The following PPP1R12A variants were observed in gnomAD, a reference collection of about 807,000 sequenced individuals.
PPP1R12A encodes myosin binding subunit.
PPP1R12A carries 19 observed loss-of-function variants against 139.6 expected under a neutral mutation model. The ratio of observed to expected loss-of-function variants is 0.14; its 90% confidence interval spans 0.09 to 0.20. PPP1R12A has a LOEUF of 0.20. Ranked by LOEUF, PPP1R12A falls within the 10% of genes least tolerant of loss-of-function variation. The pLI is 1.00. For synonymous variants in PPP1R12A, 427 were observed against 420.6 expected, an observed-to-expected ratio of 1.02 and a Z score of -0.19; for missense variants, 925 against 1,211.5, an observed-to-expected ratio of 0.76 and a Z score of 3.51.
intron 2 of PPP1R12A, among the ~76,000 whole-genome samples, chr12:79,850,841 CTCTTCTTGCT>C (rs752255765): frequency 1.8e-4 from 27 of 152,110 alleles, no homozygotes; most frequent in Non-Finnish European, 2.9e-4. Context: ...CTCTCTTTCT[CTCTTCTTGCT>C]GGCCATACAA....
At chr12:79,877,169 G>A (rs1234623084) in intron 1 of PPP1R12A, among the ~76,000 whole-genome samples, 2 of 151,718 alleles carry the variant, frequency 1.3e-5, no homozygotes, top group Non-Finnish European at 2.9e-5. Context: ...AGTGTGAGGG[G>A]GTATTTATCA....
chr12:79,876,461 A>G lies in PPP1R12A; in HGVS notation c.238-3523T>C, dbSNP rs937189707. Among the ~76,000 whole-genome samples, 6 of 152,192 alleles carry G rather than the reference A, an allele frequency of 3.9e-5. No homozygotes were observed. The South Asian group carries it at 8.3e-4, about 21-fold the overall frequency. On this transcript the variant is annotated intron_variant, in intron 1 of 24. Transcript: ENST00000450142. ...GATTCAAAGAGATTAAGTAGCTTGA[A>G]TAAGTCACACAGACAGGAAATGATA...
Position 79,779,474 on chromosome 12 carries a change from A to G in PPP1R12A, c.2956-874T>C. The G allele has an allele frequency of 5.4e-6, 4 of 745,060 alleles. No individual in the cohort carries two copies. In the South Asian group the frequency reaches 5.8e-5, roughly 11 times the overall value. 46.2% of individuals were successfully genotyped at this position (745,060 alleles called of 1,614,324 possible). A position where few individuals can be genotyped will look rare whatever the true frequency, so the allele number is the denominator to read the frequency against. On this transcript the variant is annotated intron_variant, in intron 23 of 24. Transcript: ENST00000450142. ...AGCAGTACATTTACTGTAAATGTTAATGTTTTTAGGGTATGTGATTTTAAA... is the reference window on the plus strand; with the variant it reads ...AGCAGTACATTTACTGTAAATGTTAGTGTTTTTAGGGTATGTGATTTTAAA...
chr12:79,810,373 C>T (rs886678075), intron 9 of PPP1R12A, among the ~76,000 whole-genome samples: 3 of 152,120 alleles, frequency 2.0e-5, no homozygotes, highest in Non-Finnish European at 4.4e-5. Flanking sequence ...AATATAAATT[C>T]TTGCACATAG....
intron 1 of PPP1R12A, among the ~76,000 whole-genome samples, chr12:79,883,451 G>A (rs981291129): frequency 2.6e-5 from 4 of 152,026 alleles, no homozygotes; most frequent in Non-Finnish European, 5.9e-5. Context: ...CTGTATTAAG[G>A]AAGCTTAGGA....
intron 14 of PPP1R12A, among the ~76,000 whole-genome samples, chr12:79,803,166 A>C (rs1873400989): frequency 6.6e-6 from 1 of 152,250 alleles, no homozygotes; most frequent in Non-Finnish European, 1.5e-5. Flanking sequence ...AATTAGCATA[A>C]AAATATAGCT....
chr12:79,905,829 C>T (rs1210845551), intron 1 of PPP1R12A, among the ~76,000 whole-genome samples: 1 of 152,258 alleles, frequency 6.6e-6, no homozygotes, highest in African/African-American at 2.4e-5. Context: ...ATGTGGAAAA[C>T]TGTCCATAGC....
intron 1 of PPP1R12A, among the ~76,000 whole-genome samples, chr12:79,875,730 G>C (rs879737815): frequency 6.6e-6 from 1 of 152,160 alleles, no homozygotes; most frequent in African/African-American, 2.4e-5. Context: ...AAGGATATTT[G>C]AAGTAGCTGT....
At chr12:79,912,764 G>A (rs1042641307) in intron 1 of PPP1R12A, among the ~76,000 whole-genome samples, 12 of 150,302 alleles carry the variant, frequency 8.0e-5, no homozygotes, top group Admixed American at 2.0e-4. Flanking sequence ...ATCATAATAA[G>A]AGAATCCCTA....
chr12:79,838,520 G>A (rs1256368319), intron 3 of PPP1R12A, among the ~76,000 whole-genome samples: 14 of 152,250 alleles, frequency 9.2e-5, no homozygotes, highest in Non-Finnish European at 1.9e-4. Flanking sequence ...TCCCATCACA[G>A]GCCTGGAGGC....
intron 22 of PPP1R12A, among the ~76,000 whole-genome samples, chr12:79,784,537 A>T (rs1260099644): frequency 6.6e-6 from 1 of 152,234 alleles, no homozygotes. Flanking sequence ...ATGACAATGA[A>T]GTAGGCAGCA....
At chr12:79,867,913 G>C (rs917099502) in intron 2 of PPP1R12A, among the ~76,000 whole-genome samples, 1 of 152,078 alleles carries the variant, frequency 6.6e-6, no homozygotes, top group African/African-American at 2.4e-5. Flanking sequence ...ATGATTGTAA[G>C]TTTCCTGAGG....
intron 1 of PPP1R12A, among the ~76,000 whole-genome samples, chr12:79,882,799 T>G (rs1883759688): frequency 6.6e-6 from 1 of 152,162 alleles, no homozygotes; most frequent in African/African-American, 2.4e-5. Context: ...CACTCCAACC[T>G]TCAGCAACCA....
intron 1 of PPP1R12A, among the ~76,000 whole-genome samples, chr12:79,925,695 A>G (rs1887787443): frequency 6.6e-6 from 1 of 152,214 alleles, no homozygotes; most frequent in Non-Finnish European, 1.5e-5. Context: ...ATTTGAGTTG[A>G]GCAGCAAGCA....
At chr12:79,789,037 A>C (rs1369064531) in intron 20 of PPP1R12A, among the ~76,000 whole-genome samples, 1 of 152,094 alleles carries the variant, frequency 6.6e-6, no homozygotes, top group Non-Finnish European at 1.5e-5. Flanking sequence ...CTCGGGCTCA[A>C]GTGATTCTTC....
chr12:79,828,599 T>A, intron 4 of PPP1R12A, 135 bp from the exon 5 acceptor site: 1 of 701,560 alleles, frequency 1.4e-6, no homozygotes. Flanking sequence ...TCCCCCTCAA[T>A]GAATTAACTA....
chr12:79,784,606 A>G (rs570724800), intron 22 of PPP1R12A, among the ~76,000 whole-genome samples: 53 of 152,164 alleles, frequency 3.5e-4, no homozygotes, highest in Non-Finnish European at 6.6e-4. Flanking sequence ...AGTCACCATG[A>G]CAGAACACTA....
chr12:79,841,417 C>T (rs976418098), intron 3 of PPP1R12A, among the ~76,000 whole-genome samples: 5 of 152,182 alleles, frequency 3.3e-5, no homozygotes, highest in Non-Finnish European at 7.3e-5. Flanking sequence ...TGAAGCTCTT[C>T]GTTTGACACT....
intron 1 of PPP1R12A, among the ~76,000 whole-genome samples, chr12:79,883,378 C>CTTT (rs1883825711): frequency 6.6e-6 from 1 of 151,978 alleles, no homozygotes; most frequent in Admixed American, 6.6e-5. Flanking sequence ...GTGTGACTCA[C>CTTT]TTTTTTGTGG....
Sources: allele counts gnomAD v4.1 joint callset (sites outside exome capture counted in the v4.1 genomes callset), GRCh38; gene constraint gnomAD v4.1.1; transcripts MANE v1.5; gene names NCBI Gene and HGNC (gene_info 2026-07-23, HGNC 2026-07-21).